Variants in STPG2 observed in about 807,000 individuals in gnomAD.
STPG2 encodes the protein sperm-tail PG-rich repeat-containing protein 2.
Under a neutral mutation model 54.2 loss-of-function variants are expected in STPG2, and 56 were observed. The observed-to-expected ratio is 1.03, with a 90% CI of 0.83 to 1.29. The LOEUF (loss-of-function observed/expected upper bound fraction) is 1.29. Among genes scored for constraint, STPG2 ranks in the 50% most tolerant of loss-of-function variants. STPG2 has a pLI of 0.00. For missense variants in STPG2, 596 were observed against 544.9 expected (o/e 1.09, Z -0.93); for synonymous variants, 200 against 181.8 (o/e 1.10, Z -0.81).
At chr4:98,003,446 C>T (rs1735476605) in intron 5 of STPG2, among the ~76,000 whole-genome samples, 1 of 151,662 alleles carries the variant, frequency 6.6e-6, no homozygotes, top group Non-Finnish European at 1.5e-5. Flanking sequence ...GGGAAAAAGT[C>T]CAAATTCCAG....
intron 9 of STPG2, among the ~76,000 whole-genome samples, chr4:97,782,567 C>CA (rs1053345111): frequency 5.3e-5 from 8 of 150,830 alleles, no homozygotes; most frequent in Admixed American, 3.3e-4. Context: ...TCACAGAATT[C>CA]AAAAAAAACT....
intron 4 of STPG2, among the ~76,000 whole-genome samples, chr4:97,546,983 C>A (rs775842272): frequency 6.6e-6 from 1 of 152,090 alleles, no homozygotes; most frequent in Non-Finnish European, 1.5e-5. Flanking sequence ...GTAAAGCTTT[C>A]TGGAATACCT....
chr4:97,853,376 T>C (rs1224490665), intron 8 of STPG2, among the ~76,000 whole-genome samples: 3 of 152,198 alleles, frequency 2.0e-5, no homozygotes, highest in South Asian at 2.1e-4. Context: ...TGTATACGTA[T>C]GTAACAAACC....
intron 4 of STPG2, among the ~76,000 whole-genome samples, chr4:97,513,900 G>A (rs1389544060): frequency 6.6e-6 from 1 of 152,022 alleles, no homozygotes; most frequent in Non-Finnish European, 1.5e-5. Context: ...GCCAAAATGA[G>A]TCCCCAAAAA....
At chr4:97,494,989 T>G (rs1380019679) in intron 4 of STPG2, among the ~76,000 whole-genome samples, 1 of 151,532 alleles carries the variant, frequency 6.6e-6, no homozygotes, top group Non-Finnish European at 1.5e-5. Flanking sequence ...GTAAAATAAT[T>G]AACAAATGTT....
intron 9 of STPG2, among the ~76,000 whole-genome samples, chr4:97,814,123 T>G (rs1443917563): frequency 6.6e-6 from 1 of 152,166 alleles, no homozygotes; most frequent in African/African-American, 2.4e-5. Context: ...AGACATAACA[T>G]TATTGATATA....
chr4:97,646,295 A>G (rs1205090688), intron 10 of STPG2, among the ~76,000 whole-genome samples: 1 of 152,160 alleles, frequency 6.6e-6, no homozygotes, highest in East Asian at 1.9e-4. Flanking sequence ...CTAGTCCTCT[A>G]TCCACCATTT....
chr4:98,116,389 T>G (rs1388514048), intron 3 of STPG2, among the ~76,000 whole-genome samples: 3 of 151,962 alleles, frequency 2.0e-5, no homozygotes, highest in Non-Finnish European at 4.4e-5. Context: ...CCATAGTTAT[T>G]TTTCTCAGGA....
chr4:98,101,479 A>G (rs1739035326), intron 5 of STPG2, among the ~76,000 whole-genome samples: 1 of 152,084 alleles, frequency 6.6e-6, no homozygotes, highest in East Asian at 1.9e-4. Flanking sequence ...TGAAGGAGTG[A>G]TCTATCCAAA....
At chr4:97,932,374 T>G (rs758039263) in intron 8 of STPG2, among the ~76,000 whole-genome samples, 2 of 152,168 alleles carry the variant, frequency 1.3e-5, no homozygotes, top group Non-Finnish European at 2.9e-5. Flanking sequence ...TTTAATTTTA[T>G]TTTAAGTTCT....
At chr4:97,710,545 A>G (rs903131433) in intron 10 of STPG2, among the ~76,000 whole-genome samples, 2 of 152,080 alleles carry the variant, frequency 1.3e-5, no homozygotes, top group African/African-American at 4.8e-5. Context: ...TTTCAAGTAT[A>G]ACTGAATTGC....
At chr4:98,042,253 A>T (rs1009088862) in intron 5 of STPG2, among the ~76,000 whole-genome samples, 1 of 151,154 alleles carries the variant, frequency 6.6e-6, no homozygotes, top group African/African-American at 2.4e-5. Context: ...GTGGTTTATC[A>T]ATTTTGTCTT....
intron 4 of STPG2, among the ~76,000 whole-genome samples, chr4:97,548,690 C>A (rs1731899305): frequency 6.6e-6 from 1 of 151,940 alleles, no homozygotes; most frequent in African/African-American, 2.4e-5. Flanking sequence ...AATAGTAATA[C>A]AATTTTTGCA....
chr4:97,927,317 T>C (rs553578232), intron 8 of STPG2, among the ~76,000 whole-genome samples: 3 of 152,254 alleles, frequency 2.0e-5, no homozygotes, highest in African/African-American at 7.2e-5. Flanking sequence ...AATGTTGGTA[T>C]AATTTTTGTG....
chr4:97,673,229 A>C (rs917348018), intron 10 of STPG2, among the ~76,000 whole-genome samples: 1 of 152,234 alleles, frequency 6.6e-6, no homozygotes, highest in Admixed American at 6.5e-5. Flanking sequence ...TAAAACTTGC[A>C]TCCAATGAAC....
chr4:97,953,694 C>T (rs1276736821), intron 7 of STPG2, among the ~76,000 whole-genome samples: 4 of 152,212 alleles, frequency 2.6e-5, no homozygotes, highest in Non-Finnish European at 4.4e-5. Context: ...AAGGTGTTCC[C>T]CCATGGGCAG....
intron 7 of STPG2, among the ~76,000 whole-genome samples, chr4:97,961,187 C>G (rs1177445053): frequency 6.6e-6 from 1 of 151,514 alleles, no homozygotes; most frequent in African/African-American, 2.4e-5. Context: ...TCACCTTATA[C>G]AGAAATCAAC....
At chr4:97,993,171 G>A (rs1281963245) in intron 5 of STPG2, among the ~76,000 whole-genome samples, 1 of 152,072 alleles carries the variant, frequency 6.6e-6, no homozygotes, top group Non-Finnish European at 1.5e-5. Context: ...CAGTTCTCAG[G>A]AAGAATGCTT....
intron 5 of STPG2, among the ~76,000 whole-genome samples, chr4:98,024,146 G>C (rs993119293): frequency 1.3e-5 from 2 of 151,768 alleles, no homozygotes; most frequent in African/African-American, 4.8e-5. Flanking sequence ...GCTGTAGACC[G>C]GAGCTGTTCC....
Sources: gnomAD v4.1 joint callset for allele counts (sites outside exome capture counted in the v4.1 genomes callset) on GRCh38, gnomAD v4.1.1 for gene constraint, MANE v1.5 for transcripts, NCBI Gene and HGNC (gene_info 2026-07-23, HGNC 2026-07-21) for gene names.